Variants in MAN2B2 observed in about 807,000 individuals in gnomAD.
MAN2B2 encodes the protein epididymis-specific alpha-mannosidase.
In MAN2B2, 106 loss-of-function variants were observed where a neutral mutation model predicts 117.1. That is an observed-to-expected ratio of 0.90 (90% CI 0.77 to 1.06). MAN2B2 has a LOEUF of 1.06. Among genes scored for constraint, MAN2B2 ranks in the 50% least tolerant of loss-of-function variants. The pLI is 0.00. For synonymous variants in MAN2B2, 544 were observed against 595.1 expected (o/e 0.91, Z 1.25); for missense variants, 1,326 against 1,381.4 (o/e 0.96, Z 0.64).
At chr4:6,599,069 G>A (rs1268691028) in intron 9 of MAN2B2, among the ~76,000 whole-genome samples, 1 of 152,214 alleles carries the variant, frequency 6.6e-6, no homozygotes, top group Non-Finnish European at 1.5e-5. Context: ...CCCACCCACA[G>A]CCTGCACCTG....
intron 3 of MAN2B2, among the ~76,000 whole-genome samples, chr4:6,585,173 C>T (rs189924425): frequency 2.6e-5 from 4 of 152,184 alleles, no homozygotes; most frequent in Non-Finnish European, 5.9e-5. Flanking sequence ...GCCAGCCCCA[C>T]TCCTCACCTC....
rs777670269 is a variant in MAN2B2 at position 6,614,343 on chromosome 4, A to G, written c.2689A>G (p.Asn897Asp). Residue 897 changes from asparagine to aspartate, a missense_variant, in exon 16 of 19, where the codon AAT becomes GAT. Asn to Asp is a conservative substitution (Grantham distance 23). Coordinates refer to ENST00000285599, the MANE Select transcript of MAN2B2 (RefSeq NM_015274.3). Reference sequence around the variant, plus strand: ...CTCCAACCACACGGAGCACTCTCAGAATCTCCGGAAAGGTGAGGCAGGTGC... The same window carrying G: ...CTCCAACCACACGGAGCACTCTCAGGATCTCCGGAAAGGTGAGGCAGGTGC... ...YSSNHTEHSQ[N>D]LRKGHRGEAQ... 2 of 1,613,906 alleles carry G rather than the reference A, an allele frequency of 1.2e-6. No individual in the cohort carries two copies. Among genetic ancestry groups the G allele is most frequent in the Non-Finnish European group, 1.7e-6 (2 of 1,179,876 alleles).
At chr4:6,589,872 G>A (rs1726788221) in intron 5 of MAN2B2, among the ~76,000 whole-genome samples, 1 of 152,118 alleles carries the variant, frequency 6.6e-6, no homozygotes, top group African/African-American at 2.4e-5. Flanking sequence ...TTGAGTCCAG[G>A]AGTTCAAAAC....
At chr4:6,602,608 T>C (rs1262415216) in intron 10 of MAN2B2, among the ~76,000 whole-genome samples, 1 of 152,164 alleles carries the variant, frequency 6.6e-6, no homozygotes, top group East Asian at 1.9e-4. Context: ...GGAGGTGGCA[T>C]TAGCCTTTCA....
At position 6,622,693 on chromosome 4, in the gene MAN2B2, C is replaced by T. The variant is rs1181764056; in HGVS notation, c.*1408C>T. On this transcript the variant is annotated 3_prime_UTR_variant, in exon 19 of 19. Coordinates refer to ENST00000285599, the MANE Select transcript of MAN2B2 (RefSeq NM_015274.3). ...TCAGGTGATCTGCCTGCCCCGGCCTCCCAAAGTGCCAGGATTACAGGCGTG... is the reference window on the plus strand; with the variant it reads ...TCAGGTGATCTGCCTGCCCCGGCCTTCCAAAGTGCCAGGATTACAGGCGTG... The T allele has an allele frequency of 6.6e-6, 1 of 152,246 alleles. No individual in the cohort carries two copies. The highest frequency in any genetic ancestry group is 1.5e-5 in the Non-Finnish European group (1 of 68,084). 9.4% of individuals were successfully genotyped at this position (152,246 alleles called of 1,614,324 possible).
At chr4:6,607,521 TGTTTTCAAGGTTCATCAGTATC>T (rs1727600361) in intron 11 of MAN2B2, among the ~76,000 whole-genome samples, 1 of 152,234 alleles carries the variant, frequency 6.6e-6, no homozygotes, top group Admixed American at 6.5e-5. Flanking sequence ...CCACTTAGCA[TGTTTTCAAGGTTCATCAGTATC>T]GTAGCACGTA....
In MAN2B2 at chr4:6,588,598, C is replaced by T. The variant is rs1208415460; in HGVS notation, c.565-447C>T. Reference sequence around the variant, plus strand: ...GGCGTGGTAGCAAGTGGCTGAAATCCCAGCTACTCAGGAGGCTGAGGCAGG... The same window carrying T: ...GGCGTGGTAGCAAGTGGCTGAAATCTCAGCTACTCAGGAGGCTGAGGCAGG... On this transcript the variant is annotated intron_variant, in intron 4 of 18. Transcript: ENST00000285599. Among the ~76,000 whole-genome samples the T allele has an allele frequency of 1.3e-5, 2 of 152,098 alleles. 1 individual carries two copies. Among genetic ancestry groups the T allele is most frequent in the Non-Finnish European group, 2.9e-5 (2 of 68,024 alleles).
rs781403225 is a variant in MAN2B2, at chr4:6,617,434, A to G, written c.2756A>G (p.His919Arg). The G allele has an allele frequency of 2.0e-5, 32 of 1,614,090 alleles. No individual in the cohort carries two copies. Among genetic ancestry groups the G allele is most frequent in the Non-Finnish European group, 2.7e-5 (32 of 1,180,012 alleles). The change falls in exon 17 of 19, where the codon CAC becomes CGC. Residue 919 changes from histidine to arginine, a missense_variant. His to Arg is a conservative substitution (Grantham distance 29, BLOSUM62 0). Transcript: ENST00000285599. ...DLRRVLLRLY[H>R]LYEVGEDPVL... ...CGCCGTGTCCTGCTGCGGCTCTACC[A>G]CCTATATGAAGTGGGCGAGGACCCA...
chr4:6,611,226 G>C lies in MAN2B2; in HGVS notation c.2511G>C (p.Arg837Ser). The C allele has an allele frequency of 3.1e-6, 5 of 1,613,644 alleles. No individual in the cohort carries two copies. The highest frequency in any genetic ancestry group is 2.2e-5 in the South Asian group (2 of 91,072). ...CCCTCACCACTGCCCTGCGCCAGAGGAGCGCACTGGCGCTGCAGCACAGGC... is the reference window on the plus strand; with the variant it reads ...CCCTCACCACTGCCCTGCGCCAGAGCAGCGCACTGGCGCTGCAGCACAGGC... ...SWSLTTALRQRSALALQHRPV... is the reference protein window; with the variant it reads ...SWSLTTALRQSSALALQHRPV... The change falls in exon 15 of 19, where the codon AGG becomes AGC. Residue 837 changes from arginine (R) to serine (S), a missense_variant. Transcript: ENST00000285599.
intron 16 of MAN2B2, among the ~76,000 whole-genome samples, chr4:6,614,666 C>T (rs1266891784): frequency 6.6e-6 from 1 of 152,228 alleles, no homozygotes; most frequent in Non-Finnish European, 1.5e-5. Flanking sequence ...CCCCAGGTTG[C>T]CTGCCAGTCC....
At chr4:6,613,798 AGG>A (rs1711708516) in intron 15 of MAN2B2, among the ~76,000 whole-genome samples, 1 of 138,214 alleles carries the variant, frequency 7.2e-6, no homozygotes, top group South Asian at 2.4e-4. Context: ...GAAGGAAGAA[AGG>A]AAGAGGGAGG....
At chr4:6,592,955 T>C (rs889603488) in intron 5 of MAN2B2, among the ~76,000 whole-genome samples, 4 of 152,212 alleles carry the variant, frequency 2.6e-5, no homozygotes, top group African/African-American at 4.8e-5. Flanking sequence ...CCGGCCTCTT[T>C]GGGGTCCTGA....
At chr4:6,598,048 T>C in intron 8 of MAN2B2, 150 bp from the exon 9 acceptor site, 1 of 807,672 alleles carries the variant, frequency 1.2e-6, no homozygotes. Flanking sequence ...TGGCCTCAGT[T>C]CCTCCTTCTG....
In MAN2B2 at chr4:6,589,057, G is replaced by A. The variant is rs751434331; in HGVS notation, c.577G>A (p.Val193Met). ...AMQEARGLQF[V>M]WRGSPSLSER... is the part of the protein sequence containing the mutation. The stretch of plus-strand genomic sequence containing the variant: ...CCTCGGTTTGCAGGGGCTGCAGTTC[G>A]TGTGGCGAGGGTCCCCATCCCTCTC... Residue 193 changes from valine to methionine, a missense_variant, in exon 5 of 19, where the codon GTG becomes ATG. Transcript: ENST00000285599. 25 of 1,613,858 alleles carry A rather than the reference G, an allele frequency of 1.5e-5. 1 individual carries two copies. The highest frequency in any genetic ancestry group is 6.7e-5 in the Admixed American group (4 of 60,006).
chr4:6,600,617 G>A lies in MAN2B2; in HGVS notation c.1406-6G>A. On this transcript the variant is annotated splice_polypyrimidine_tract_variant and splice_region_variant and intron_variant, in intron 9 of 18. Transcript: ENST00000285599. ...GGCACAAGCAAAGCCTCTTCTCTGT[G>A]TGCAGATGCAGGACCTGCAGGACAT... 6.2e-7 allele frequency: 1 copy of A among 1,613,676 alleles called. No homozygotes were observed. The highest frequency in any genetic ancestry group is 8.5e-7 in the Non-Finnish European group (1 of 1,179,890).
At chr4:6,583,867 T>G (rs1726536146) in intron 3 of MAN2B2, among the ~76,000 whole-genome samples, 1 of 152,202 alleles carries the variant, frequency 6.6e-6, no homozygotes, top group African/African-American at 2.4e-5. Context: ...CACAGTGCCC[T>G]CCTTACCCTT....
intron 16 of MAN2B2, among the ~76,000 whole-genome samples, chr4:6,616,296 G>A (rs889178196): frequency 2.6e-5 from 4 of 152,122 alleles, no homozygotes; most frequent in Non-Finnish European, 4.4e-5. Context: ...TCTGTAAAAC[G>A]GGAGCAATGG....
At chr4:6,591,628 T>C (rs974512262) in intron 5 of MAN2B2, among the ~76,000 whole-genome samples, 1 of 152,156 alleles carries the variant, frequency 6.6e-6, no homozygotes, top group Non-Finnish European at 1.5e-5. Context: ...TGGTGGGGGC[T>C]ATCAGGTGAC....
At chr4:6,604,492 G>A (rs1307017249) in intron 10 of MAN2B2, among the ~76,000 whole-genome samples, 1 of 151,342 alleles carries the variant, frequency 6.6e-6, no homozygotes, top group Non-Finnish European at 1.5e-5. Context: ...GGATGGGGAA[G>A]GGGAGTGACT....
Sources: allele counts gnomAD v4.1 joint callset (sites outside exome capture counted in the v4.1 genomes callset), GRCh38; gene constraint gnomAD v4.1.1; transcripts MANE v1.5; gene names NCBI Gene and HGNC (gene_info 2026-07-23, HGNC 2026-07-21).